Variants in HTT observed in about 807,000 individuals in gnomAD.
The protein encoded by HTT is huntington disease protein.
Under a neutral mutation model 362.3 loss-of-function variants are expected in HTT, and 104 were observed. The ratio of observed to expected loss-of-function variants is 0.29; its 90% CI spans 0.24 to 0.34. HTT has a LOEUF of 0.34. Ranked by LOEUF, HTT falls within the 10% of genes least tolerant of loss-of-function variation. The pLI, the probability that HTT is intolerant of heterozygous loss-of-function variation, is 1.00. For missense variants in HTT, 3,301 were observed against 3,928.6 expected (o/e 0.84, Z 4.27); for synonymous variants, 1,577 against 1,548.7 (o/e 1.02, Z -0.43).
intron 8 of HTT, among the ~76,000 whole-genome samples, chr4:3,117,272 G>C (rs1304579357): frequency 6.6e-6 from 1 of 151,908 alleles, no homozygotes; most frequent in Non-Finnish European, 1.5e-5. Context: ...TGAGTGTTTT[G>C]TTGAGTAAAA....
intron 29 of HTT, among the ~76,000 whole-genome samples, chr4:3,161,142 A>G (rs561050221): frequency 5.9e-4 from 89 of 152,034 alleles, no homozygotes; most frequent in African/African-American, 1.6e-3. Context: ...TCATTGTTCA[A>G]TTTCCACTTG....
At chr4:3,168,697 G>A (rs915269291) in intron 29 of HTT, among the ~76,000 whole-genome samples, 2 of 151,982 alleles carry the variant, frequency 1.3e-5, no homozygotes, top group South Asian at 4.2e-4. Context: ...TCTGCAAACC[G>A]GGAAACTGTC....
chr4:3,106,185 G>A (rs1374243948), intron 5 of HTT, among the ~76,000 whole-genome samples: 1 of 152,064 alleles, frequency 6.6e-6, no homozygotes, highest in African/African-American at 2.4e-5. Flanking sequence ...GTGAAACGCC[G>A]CCTCTACAAA....
chr4:3,217,484 C>T (rs1486038628), intron 51 of HTT, among the ~76,000 whole-genome samples: 3 of 152,236 alleles, frequency 2.0e-5, no homozygotes, highest in Non-Finnish European at 4.4e-5. Flanking sequence ...CCAGCTGTCA[C>T]AGGCTGCTGC....
At chr4:3,212,172 T>A in intron 48 of HTT, 30 bp downstream of exon 48, 2 of 1,526,892 alleles carry the variant, frequency 1.3e-6, no homozygotes, top group African/African-American at 1.4e-5. Context: ...ATCTTATTTT[T>A]AAAAAGCATT....
rs2110182126 is a variant in HTT, at chr4:3,125,623, T to C, written c.1396T>C (p.Leu466=). 6.2e-7 allele frequency: 1 copy of C among 1,611,638 alleles called. No individual in the cohort carries two copies. Among genetic ancestry groups the C allele is most frequent in the Non-Finnish European group, 8.5e-7 (1 of 1,177,690 alleles). The change falls in exon 11 of 67, where the codon TTA becomes CTA. Residue 466 remains leucine, a synonymous_variant. Transcript: ENST00000355072. The part of the protein sequence containing the change: ...ESRSDVSSSA[L]TASVKDEISG... ...GAGATCGGATGTCAGCAGCTCTGCC[T>C]TAACAGGTAGTTCTCACTAGTTAGC...
At chr4:3,120,492 G>T (rs1042855418) in intron 8 of HTT, among the ~76,000 whole-genome samples, 8 of 152,212 alleles carry the variant, frequency 5.3e-5, no homozygotes, top group Non-Finnish European at 7.3e-5. Flanking sequence ...GAGCGGTATT[G>T]GTCCATGGCC....
At position 3,103,877 on chromosome 4, in the gene HTT, T is replaced by A. The variant is rs1201070930; in HGVS notation, c.522T>A (p.Ile174=). ...TACAGCTCGAGCTCTATAAGGAAATTAAAAAGGTGGGCCTTGCTTTTCTTT... is the reference window on the plus strand; with the variant it reads ...TACAGCTCGAGCTCTATAAGGAAATAAAAAAGGTGGGCCTTGCTTTTCTTT... ...PRLQLELYKE[I]KKNGAPRSLR... The change falls in exon 4 of 67, where the codon ATT becomes ATA. Residue 174 remains isoleucine, a synonymous_variant. Coordinates refer to ENST00000355072, the MANE Select transcript of HTT (RefSeq NM_001388492.1). 1 of 1,595,424 alleles carries A rather than the reference T, an allele frequency of 6.3e-7. No homozygotes were observed. Among genetic ancestry groups the A allele is most frequent in the African/African-American group, 1.3e-5 (1 of 74,590 alleles).
At chr4:3,121,907 T>C (rs1715314457) in intron 9 of HTT, among the ~76,000 whole-genome samples, 1 of 152,158 alleles carries the variant, frequency 6.6e-6, no homozygotes, top group African/African-American at 2.4e-5. Flanking sequence ...TTTAGCAGGT[T>C]GGGTGGCAAA....
chr4:3,171,647 T>C (rs1200298149), intron 29 of HTT, among the ~76,000 whole-genome samples: 1 of 152,044 alleles, frequency 6.6e-6, no homozygotes, highest in Non-Finnish European at 1.5e-5. Context: ...CTGGCTAATT[T>C]TGTATTTTTG....
At chr4:3,180,113 C>CTAT (rs1718442084) in intron 35 of HTT, among the ~76,000 whole-genome samples, 1 of 147,972 alleles carries the variant, frequency 6.8e-6, no homozygotes, top group South Asian at 2.1e-4. Context: ...GTGGCTTTGA[C>CTAT]TAAATGTATT....
Position 3,209,924 on chromosome 4 carries a change from A to T in HTT, c.6389A>T (p.Asp2130Val). Residue 2130 changes from aspartate to valine, a missense_variant, in exon 47 of 67, where the codon GAT becomes GTT. Around this residue, in one of 4 missense-constraint regions of HTT, gnomAD observed 2,316 missense variants for 2,658.5 expected, o/e 0.87. Transcript: ENST00000355072. ...CTGGTGAATCGGATTCCTGCTGAAGATATGAATGCCTTCATGATGAACTCG... is the reference window on the plus strand; with the variant it reads ...CTGGTGAATCGGATTCCTGCTGAAGTTATGAATGCCTTCATGATGAACTCG... ...AELVNRIPAEDMNAFMMNSEF... is the reference protein window; with the variant it reads ...AELVNRIPAEVMNAFMMNSEF... 6.2e-7 allele frequency: 1 copy of T among 1,614,122 alleles called. No individual in the cohort carries two copies. Among genetic ancestry groups the T allele is most frequent in the Non-Finnish European group, 8.5e-7 (1 of 1,179,976 alleles).
intron 56 of HTT, among the ~76,000 whole-genome samples, chr4:3,225,318 G>GC (rs1363196593): frequency 6.6e-6 from 1 of 152,194 alleles, no homozygotes; most frequent in East Asian, 1.9e-4. Context: ...CGGCTCGCCT[G>GC]CAACTGCTGA....
At chr4:3,205,951 C>T (rs1423957504) in intron 42 of HTT, among the ~76,000 whole-genome samples, 2 of 152,104 alleles carry the variant, frequency 1.3e-5, no homozygotes, top group Non-Finnish European at 2.9e-5. Flanking sequence ...AATATCTACA[C>T]TTAAGATTTA....
At chr4:3,195,712 G>T (rs1228399916) in intron 40 of HTT, among the ~76,000 whole-genome samples, 1 of 152,182 alleles carries the variant, frequency 6.6e-6, no homozygotes, top group Non-Finnish European at 1.5e-5. Flanking sequence ...GTTGTTTCTT[G>T]GTTTTATGAC....
chr4:3,116,682 C>T (rs1475933370), intron 8 of HTT, among the ~76,000 whole-genome samples: 3 of 152,246 alleles, frequency 2.0e-5, no homozygotes, highest in Admixed American at 6.5e-5. Flanking sequence ...GGTCTAGGCA[C>T]GGTGGTATAT....
In HTT at chr4:3,233,250, G is replaced by A. The variant is rs763694703; in HGVS notation, c.8353G>A (p.Gly2785Ser). The A allele has an allele frequency of 5.6e-6, 9 of 1,611,182 alleles. No individual in the cohort carries two copies. The highest frequency in any genetic ancestry group is 6.8e-6 in the Non-Finnish European group (8 of 1,178,096). The change falls in exon 61 of 67, where the codon GGC becomes AGC. Residue 2785 changes from glycine (G) to serine (S), a missense_variant. Physicochemically the swap from Gly to Ser is moderately conservative, Grantham distance 56. This residue lies in a region of HTT where 753 missense variants were observed against 1,021.3 expected (regional missense o/e 0.74). Transcript: ENST00000355072. ...GCCCAGCAGGGTTGGAGCCCTGCAC[G>A]GCGTCCTCTATGTGCTGGAGTGCGA... is the stretch of plus-strand genomic sequence containing the variant. ...HLPSRVGALH[G>S]VLYVLECDLL...
At position 3,206,970 on chromosome 4, in the gene HTT, C is replaced by T; in HGVS notation, c.6062C>T (p.Ala2021Val). 2 of 1,608,716 alleles carry T rather than the reference C, an allele frequency of 1.2e-6. No homozygotes were observed. Among genetic ancestry groups the T allele is most frequent in the Non-Finnish European group, 8.5e-7 (1 of 1,178,294 alleles). ...LACRRVEMLL[A>V]ANLQSSMAQL... ...TGTCGCCGGGTAGAAATGCTTCTGGCTGCAAATTTACAGGTATTGGGAAGA... is the reference window on the plus strand; with the variant it reads ...TGTCGCCGGGTAGAAATGCTTCTGGTTGCAAATTTACAGGTATTGGGAAGA... The change falls in exon 44 of 67, where the codon GCT (alanine) becomes GTT (valine). Residue 2021 changes from alanine to valine, a missense_variant. By Grantham distance (64) the Ala-to-Val change is moderately conservative. Around this residue, in one of 4 missense-constraint regions of HTT, gnomAD observed 2,316 missense variants for 2,658.5 expected, o/e 0.87. Transcript: ENST00000355072. This position sits in a 1 kb window ranked among gnomAD's most constrained non-coding sequence, Gnocchi z 4.6.
intron 2 of HTT, among the ~76,000 whole-genome samples, chr4:3,090,931 G>C (rs1051364185): frequency 6.6e-6 from 1 of 152,200 alleles, no homozygotes; most frequent in African/African-American, 2.4e-5. Flanking sequence ...GACCAGTGCG[G>C]TGAAACACTG....
Sources: allele counts gnomAD v4.1 joint callset (sites outside exome capture counted in the v4.1 genomes callset), GRCh38; gene constraint gnomAD v4.1.1; regional missense constraint gnomAD v4.1.1; non-coding constraint Gnocchi (gnomAD v3.1); transcripts MANE v1.5; gene names NCBI Gene and HGNC (gene_info 2026-07-23, HGNC 2026-07-21).